The following PRSS55 variants were observed in gnomAD, a reference collection of about 807,000 sequenced individuals.
PRSS55 encodes the protein probable serine protease UNQ9391/PRO34284.
PRSS55 carries 41 observed loss-of-function variants against 23.6 expected under a neutral mutation model. The observed-to-expected ratio is 1.74, with a 90% CI of 1.35 to 2.26. The LOEUF is 2.26. Ranked by LOEUF, PRSS55 falls within the 30% of genes most tolerant of loss-of-function variation. The probability of loss-of-function intolerance (pLI) is 0.00; values close to 1 mark genes in which losing one functional copy is unlikely to be tolerated. For synonymous variants in PRSS55, 262 were observed against 175.5 expected (o/e 1.49, Z -3.90); for missense variants, 669 against 439.1 (o/e 1.52, Z -4.68).
chr8:10,529,900 C>T (rs1660619157), intron 2 of PRSS55, among the ~76,000 whole-genome samples: 1 of 152,208 alleles, frequency 6.6e-6, no homozygotes, highest in Non-Finnish European at 1.5e-5. Context: ...CTCCTCACAT[C>T]ACCAGAGCCA....
chr8:10,546,812 T>C (rs547160550), intron 4 of PRSS55, among the ~76,000 whole-genome samples: 1 of 152,116 alleles, frequency 6.6e-6, no homozygotes, highest in East Asian at 1.9e-4. Context: ...ACCTCCTGAG[T>C]AGCTGATTGC....
intron 4 of PRSS55, among the ~76,000 whole-genome samples, chr8:10,548,203 G>C (rs1259465794): frequency 6.6e-6 from 1 of 152,152 alleles, no homozygotes; most frequent in Non-Finnish European, 1.5e-5. Flanking sequence ...GCGCTCAGGT[G>C]GGCCTGGCTG....
chr8:10,529,121 G>A (rs1812148812), intron 1 of PRSS55, among the ~76,000 whole-genome samples: 1 of 152,188 alleles, frequency 6.6e-6, no homozygotes, highest in African/African-American at 2.4e-5. Flanking sequence ...TGGGGACATG[G>A]CCCATTGGAA....
In PRSS55 at chr8:10,532,987, C is replaced by G; in HGVS notation, c.680C>G (p.Pro227Arg). 6.2e-7 allele frequency: 1 copy of G among 1,614,166 alleles called. No individual in the cohort carries two copies. The highest frequency in any genetic ancestry group is 8.5e-7 in the Non-Finnish European group (1 of 1,180,036). ...MDWEECSKMFPKLTKNMLCAG... is the reference protein window; with the variant it reads ...MDWEECSKMFRKLTKNMLCAG... ...TGGGAGGAGTGTTCAAAGATGTTTC[C>G]AAAACTTACCAAAAATATGCTGTGT... The change falls in exon 4 of 5, where the codon CCA (proline) becomes CGA (arginine). Residue 227 changes from proline (P) to arginine (R), a missense_variant. Physicochemically the swap from Pro to Arg is moderately radical, Grantham distance 103. Coordinates refer to ENST00000328655, the MANE Select transcript of PRSS55 (RefSeq NM_198464.4).
chr8:10,554,022 T>C, exon 5 of PRSS55: 2 of 1,527,646 alleles, frequency 1.3e-6, no homozygotes, highest in Non-Finnish European at 1.7e-6. Flanking sequence ...ACCTTTCATC[T>C]GCAAAACTGA....
chr8:10,534,021 C>A (rs1259517206), intron 4 of PRSS55, among the ~76,000 whole-genome samples: 1 of 152,114 alleles, frequency 6.6e-6, no homozygotes, highest in Non-Finnish European at 1.5e-5. Context: ...GGCAGCATAG[C>A]ACTAGGTTTA....
At chr8:10,553,772 G>C (rs938988113) in intron 4 of PRSS55, among the ~76,000 whole-genome samples, 1 of 152,192 alleles carries the variant, frequency 6.6e-6, no homozygotes, top group African/African-American at 2.4e-5. Flanking sequence ...ATTGCTAAGA[G>C]AAGAGATCTT....
rs140625950 is a variant in PRSS55 at position 10,527,589 on chromosome 8, A to AG, written c.154+1852dup. Among the ~76,000 whole-genome samples the AG allele has an allele frequency of 2.7e-3, 413 of 152,364 alleles. 7 individuals carry two copies. In the East Asian group the frequency reaches 0.063, roughly 23 times the overall value. On this transcript the variant is annotated intron_variant, in intron 1 of 4. Coordinates refer to ENST00000328655, the MANE Select transcript of PRSS55 (RefSeq NM_198464.4). ...GAAGAAGGGATTCTTGGGCGTAGGGAGGAAGTGAGCCAGGTAGCTGCCTGG... is the reference window on the plus strand; with the variant it reads ...GAAGAAGGGATTCTTGGGCGTAGGGAGGGAAGTGAGCCAGGTAGCTGCCTGG...
At chr8:10,540,513 AC>A (rs1202262272), downstream of PRSS55, 3 of 152,294 alleles carry the variant, frequency 2.0e-5, no homozygotes, top group Admixed American at 6.5e-5. Context: ...GGAGTTCAAG[AC>A]CAGTCTGGCC....
chr8:10,543,487 T>TTC (rs1812728669), downstream of PRSS55, among the ~76,000 whole-genome samples: 1 of 135,336 alleles, frequency 7.4e-6, no homozygotes, highest in Non-Finnish European at 1.6e-5. Flanking sequence ...TCTCTTTTTT[T>TTC]TTTTTTTCCA....
chr8:10,546,348 G>A (rs1328303876), intron 4 of PRSS55, among the ~76,000 whole-genome samples: 1 of 152,144 alleles, frequency 6.6e-6, no homozygotes, highest in Admixed American at 6.6e-5. Context: ...ATGACCCCAG[G>A]GTTGCCACAG....
chr8:10,529,479 T>C, intron 1 of PRSS55, 28 bp from the exon 2 acceptor site: 1 of 1,611,354 alleles, frequency 6.2e-7, no homozygotes, highest in East Asian at 2.2e-5. Flanking sequence ...TTTCCCCTTT[T>C]CCTTTCCACT....
At chr8:10,539,190 A>C (rs1167140325), downstream of PRSS55, among the ~76,000 whole-genome samples, 1 of 152,182 alleles carries the variant, frequency 6.6e-6, no homozygotes, top group African/African-American at 2.4e-5. Flanking sequence ...CTCAGCGGTG[A>C]TGAGAACAAA....
At chr8:10,537,163 A>G (rs1812485389) in intron 4 of PRSS55, among the ~76,000 whole-genome samples, 1 of 152,286 alleles carries the variant, frequency 6.6e-6, no homozygotes, top group Admixed American at 6.5e-5. Flanking sequence ...TATATCGAAG[A>G]GACATCTGCA....
chr8:10,540,798 C>T (rs1281927780), downstream of PRSS55: 1 of 152,244 alleles, frequency 6.6e-6, no homozygotes, highest in Non-Finnish European at 1.5e-5. Flanking sequence ...CCTACAGCTA[C>T]AATGTCTAGA....
chr8:10,535,520 G>C (rs554278097), intron 4 of PRSS55, among the ~76,000 whole-genome samples: 1 of 152,202 alleles, frequency 6.6e-6, no homozygotes, highest in Non-Finnish European at 1.5e-5. Context: ...GCCATATGCA[G>C]AAGATTGAAA....
intron 4 of PRSS55, among the ~76,000 whole-genome samples, chr8:10,535,710 A>G (rs1812430762): frequency 6.6e-6 from 1 of 152,218 alleles, no homozygotes; most frequent in Non-Finnish European, 1.5e-5. Context: ...ACAAAATAAA[A>G]CGTTGGCCCA....
intron 2 of PRSS55, among the ~76,000 whole-genome samples, chr8:10,529,957 C>T (rs938050552): frequency 6.6e-6 from 1 of 152,358 alleles, no homozygotes; most frequent in African/African-American, 2.4e-5. Flanking sequence ...CCCGGAACAC[C>T]TGTGGCTTGA....
chr8:10,530,335 C>T (rs371871946), intron 2 of PRSS55, among the ~76,000 whole-genome samples: 30 of 152,090 alleles, frequency 2.0e-4, no homozygotes, highest in Non-Finnish European at 3.7e-4. Context: ...ATTAGCTGGG[C>T]GCGGTGGCGT....
Sources: gnomAD v4.1 joint callset for allele counts (sites outside exome capture counted in the v4.1 genomes callset) on GRCh38, gnomAD v4.1.1 for gene constraint, MANE v1.5 for transcripts, NCBI Gene and HGNC (gene_info 2026-07-23, HGNC 2026-07-21) for gene names.